TSKS: variants seen among roughly 807,000 people sequenced by gnomAD.
The protein encoded by TSKS is testis specific serine kinase substrate, also known as testis-specific serine kinase substrate.
Under a neutral mutation model 68.0 loss-of-function variants are expected in TSKS, and 27 were observed. The ratio of observed to expected loss-of-function variants is 0.40; its 90% confidence interval spans 0.29 to 0.55. The LOEUF (loss-of-function observed/expected upper bound fraction) is 0.55. Among genes scored for constraint, TSKS ranks in the 20% least tolerant of loss-of-function variants. TSKS has a pLI of 0.53. For missense variants in TSKS, 806 were observed against 776.0 expected, an observed-to-expected ratio of 1.04 and a Z score of -0.46; for synonymous variants, 331 against 340.4, an observed-to-expected ratio of 0.97 and a Z score of 0.30.
At chr19:49,744,534 T>C in intron 7 of TSKS, 130 bp from the exon 8 acceptor site, 1 of 873,702 alleles carries the variant, frequency 1.1e-6, no homozygotes, top group Non-Finnish European at 1.8e-6. Flanking sequence ...CCCTCCCCTC[T>C]CTGCTCTGAC....
At chr19:49,748,605 G>A in intron 2 of TSKS, 136 bp from the exon 3 acceptor site, 1 of 737,842 alleles carries the variant, frequency 1.4e-6, no homozygotes, top group Non-Finnish European at 2.3e-6. Context: ...TGGAGCCAAG[G>A]GCTATACCTC....
intron 1 of TSKS, among the ~76,000 whole-genome samples, chr19:49,762,573 C>T (rs2084452513): frequency 6.6e-6 from 1 of 152,058 alleles, no homozygotes; most frequent in Admixed American, 6.6e-5. Context: ...GGGTTATAGG[C>T]ATGTGCCATC....
At chr19:49,741,809 C>G (rs2084254506) in intron 9 of TSKS, 76 bp downstream of exon 9, 1 of 1,600,966 alleles carries the variant, frequency 6.2e-7, no homozygotes, top group Admixed American at 1.7e-5. Flanking sequence ...CAGCAGTACC[C>G]TTGAGTCCGG....
At chr19:49,751,775 AT>A (rs2084352405) in intron 2 of TSKS, among the ~76,000 whole-genome samples, 1 of 151,976 alleles carries the variant, frequency 6.6e-6, no homozygotes, top group Non-Finnish European at 1.5e-5. Flanking sequence ...TTAAAATGTC[AT>A]CCCTTGCCAG....
intron 2 of TSKS, among the ~76,000 whole-genome samples, chr19:49,753,188 G>A (rs2084364637): frequency 6.6e-6 from 1 of 152,184 alleles, no homozygotes; most frequent in Admixed American, 6.5e-5. Context: ...CAATTTGGGA[G>A]GATGAGGTGG....
At chr19:49,741,048 G>C (rs1452442942) in intron 9 of TSKS, among the ~76,000 whole-genome samples, 2 of 151,904 alleles carry the variant, frequency 1.3e-5, no homozygotes, top group Non-Finnish European at 2.9e-5. Context: ...TATGGTGGCA[G>C]GCGCCTGTAG....
At chr19:49,749,142 G>T (rs2084327735) in intron 2 of TSKS, among the ~76,000 whole-genome samples, 1 of 152,164 alleles carries the variant, frequency 6.6e-6, no homozygotes, top group Admixed American at 6.6e-5. Flanking sequence ...CCAGGAACTG[G>T]TGAATTACAA....
chr19:49,752,696 G>T (rs1475035003), intron 2 of TSKS, among the ~76,000 whole-genome samples: 4 of 152,172 alleles, frequency 2.6e-5, no homozygotes, highest in Non-Finnish European at 5.9e-5. Context: ...AACAGTTGGG[G>T]TAAACAATAA....
At chr19:49,759,837 AAAAAT>A (rs756672299) in intron 2 of TSKS, among the ~76,000 whole-genome samples, 45 of 151,578 alleles carry the variant, frequency 3.0e-4, no homozygotes, top group Non-Finnish European at 5.6e-4. Flanking sequence ...CCTGTCTCAA[AAAAAT>A]AAAATAAAAT....
chr19:49,745,074 A>G, intron 7 of TSKS, 128 bp downstream of exon 7: 1 of 901,436 alleles, frequency 1.1e-6, no homozygotes, highest in South Asian at 2.1e-5. Context: ...GTGTTTCCCG[A>G]TGTCGGTATA....
intron 5 of TSKS, chr19:49,747,037 G>T: frequency 7.8e-7 from 1 of 1,283,842 alleles, no homozygotes; most frequent in Non-Finnish European, 1.1e-6. Context: ...GGCCCTCCAA[G>T]CCCTCCAGGC....
chr19:49,755,772 G>C (rs906266044), intron 2 of TSKS, among the ~76,000 whole-genome samples: 1 of 152,174 alleles, frequency 6.6e-6, no homozygotes, highest in African/African-American at 2.4e-5. Flanking sequence ...GGAGGCCAAA[G>C]TGGGTGGATT....
intron 2 of TSKS, among the ~76,000 whole-genome samples, chr19:49,754,165 C>T (rs1454297749): frequency 1.3e-5 from 2 of 150,704 alleles, no homozygotes; most frequent in Admixed American, 6.6e-5. Context: ...AGATTACAGG[C>T]GTGAGCCACC....
chr19:49,745,453 A>T (rs1465251804), intron 6 of TSKS, 57 bp from the exon 7 acceptor site: 30 of 1,381,490 alleles, frequency 2.2e-5, no homozygotes, highest in Non-Finnish European at 1.2e-5. Context: ...GTCCCCACCT[A>T]CCCCCACGAG....
At chr19:49,753,995 CT>C (rs1185653908) in intron 2 of TSKS, among the ~76,000 whole-genome samples, 1 of 149,456 alleles carries the variant, frequency 6.7e-6, no homozygotes, top group Non-Finnish European at 1.5e-5. Context: ...AGCGATTCCC[CT>C]GCCTCAGCCT....
Position 49,748,156 on chromosome 19 carries a change from C to A in TSKS, c.508G>T (p.Val170Leu), listed in dbSNP as rs2084318488. The change falls in exon 4 of 11, where the codon GTG (valine) becomes TTG (leucine). Residue 170 changes from valine to leucine, a missense_variant. By Grantham distance (32) the Val-to-Leu change is conservative (BLOSUM62 1). Coordinates refer to ENST00000246801, the MANE Select transcript of TSKS (RefSeq NM_021733.2). ...HVQSLQSECS[V>L]LSENLERRRQ... ...CTTCTCTCCAGATTCTCGCTCAGCA[C>A]AGAACACTCGCTCTGGAGCATGGAA... 6.2e-7 allele frequency: 1 copy of A among 1,614,086 alleles called. No individual in the cohort carries two copies. Among genetic ancestry groups the A allele is most frequent in the African/African-American group, 1.3e-5 (1 of 74,934 alleles).
At chr19:49,757,774 C>T (rs1440052000) in intron 2 of TSKS, among the ~76,000 whole-genome samples, 1 of 151,990 alleles carries the variant, frequency 6.6e-6, no homozygotes, top group Non-Finnish European at 1.5e-5. Context: ...TCTCTATCCC[C>T]CTCCTCTATT....
At chr19:49,751,565 C>T (rs992711702) in intron 2 of TSKS, among the ~76,000 whole-genome samples, 14 of 152,046 alleles carry the variant, frequency 9.2e-5, no homozygotes, top group African/African-American at 3.4e-4. Context: ...CCACATTTCC[C>T]ACAGGGAGGA....
At chr19:49,757,326 G>C (rs1226478749) in intron 2 of TSKS, among the ~76,000 whole-genome samples, 1 of 152,152 alleles carries the variant, frequency 6.6e-6, no homozygotes, top group Non-Finnish European at 1.5e-5. Flanking sequence ...TTGCAACCTC[G>C]TGAGACGCCC....
Sources: allele counts gnomAD v4.1 joint callset (sites outside exome capture counted in the v4.1 genomes callset), GRCh38; gene constraint gnomAD v4.1.1; transcripts MANE v1.5; gene names NCBI Gene and HGNC (gene_info 2026-07-23, HGNC 2026-07-21).